The following IQCM variants were observed in gnomAD, a reference collection of about 807,000 sequenced individuals.
The protein encoded by IQCM is IQ domain-containing protein M.
IQCM carries 45 observed loss-of-function variants against 57.6 expected under a neutral mutation model. The ratio of observed to expected loss-of-function variants is 0.78; its 90% CI spans 0.62 to 1.00. IQCM has a LOEUF of 1.00. IQCM is among the 50% of genes least tolerant of loss of function. The pLI is 0.00. For missense variants in IQCM, 468 were observed against 511.6 expected, an observed-to-expected ratio of 0.91 and a Z score of 0.82; for synonymous variants, 148 against 158.9, an observed-to-expected ratio of 0.93 and a Z score of 0.51.
chr4:149,737,237 C>G (rs1442425008), intron 3 of IQCM, among the ~76,000 whole-genome samples: 2 of 152,048 alleles, frequency 1.3e-5, no homozygotes, highest in African/African-American at 4.8e-5. Flanking sequence ...TGGGAATGTT[C>G]TGTATTTTGA....
Position 149,602,064 on chromosome 4 carries a change from A to G in IQCM, c.682-14067T>C, listed in dbSNP as rs917526727. Reference sequence around the variant, plus strand: ...AAAAAAAAAAAAAAAAAGAAAAAATATGCTTTTTACTAAACAACGAGAAAT... The same window carrying G: ...AAAAAAAAAAAAAAAAAGAAAAAATGTGCTTTTTACTAAACAACGAGAAAT... On this transcript the variant is annotated intron_variant, in intron 8 of 13. Coordinates refer to ENST00000636793, the MANE Select transcript of IQCM (RefSeq NM_001363507.2). Among the ~76,000 whole-genome samples, 226 of 151,302 alleles carry G rather than the reference A, an allele frequency of 1.5e-3. 1 individual carries two copies. The highest frequency in any genetic ancestry group is 5.3e-3 in the African/African-American group (219 of 41,386).
At chr4:149,593,788 T>C (rs1016852773) in intron 8 of IQCM, among the ~76,000 whole-genome samples, 4 of 152,164 alleles carry the variant, frequency 2.6e-5, no homozygotes, top group Non-Finnish European at 5.9e-5. Flanking sequence ...GAACCAGCCT[T>C]GCATCCCAAG....
intron 8 of IQCM, among the ~76,000 whole-genome samples, chr4:149,604,180 C>T (rs1021486559): frequency 1.3e-5 from 2 of 152,166 alleles, no homozygotes; most frequent in African/African-American, 4.8e-5. Flanking sequence ...GCATATGCTA[C>T]AAATATTAGC....
intron 12 of IQCM, among the ~76,000 whole-genome samples, chr4:149,454,612 T>A (rs1234035569): frequency 6.6e-6 from 1 of 151,968 alleles, no homozygotes; most frequent in Non-Finnish European, 1.5e-5. Context: ...CCTCTGAAAC[T>A]AAAATAAAAG....
intron 5 of IQCM, among the ~76,000 whole-genome samples, chr4:149,723,847 A>G (rs989540624): frequency 6.6e-6 from 1 of 151,700 alleles, no homozygotes; most frequent in African/African-American, 2.4e-5. Flanking sequence ...ATTTTGGAAT[A>G]GTTTCAGTAG....
chr4:149,598,905 G>A (rs1176955720), intron 8 of IQCM, among the ~76,000 whole-genome samples: 1 of 152,150 alleles, frequency 6.6e-6, no homozygotes, highest in Non-Finnish European at 1.5e-5. Context: ...TAGAGGAGCT[G>A]CTTATAGCTA....
chr4:149,732,039 C>T (rs1366872075), intron 5 of IQCM, among the ~76,000 whole-genome samples: 1 of 152,090 alleles, frequency 6.6e-6, no homozygotes, highest in Non-Finnish European at 1.5e-5. Flanking sequence ...AGCCTCCTCA[C>T]TTAGCTCTCT....
At chr4:149,724,926 AT>A (rs1765761379) in intron 5 of IQCM, among the ~76,000 whole-genome samples, 1 of 152,044 alleles carries the variant, frequency 6.6e-6, no homozygotes, top group Non-Finnish European at 1.5e-5. Context: ...ATAATTTAAA[AT>A]TTAATAATTT....
At chr4:149,779,663 T>C (rs1477598764) in intron 2 of IQCM, among the ~76,000 whole-genome samples, 1 of 152,130 alleles carries the variant, frequency 6.6e-6, no homozygotes, top group Non-Finnish European at 1.5e-5. Flanking sequence ...ATAAATCAGA[T>C]AGAACCAGTA....
chr4:149,668,699 A>G (rs1760965462), intron 7 of IQCM, among the ~76,000 whole-genome samples: 1 of 152,200 alleles, frequency 6.6e-6, no homozygotes. Context: ...GTAAATGCTG[A>G]AGTAAAATTA....
intron 7 of IQCM, among the ~76,000 whole-genome samples, chr4:149,630,338 T>C (rs1757156730): frequency 1.3e-5 from 2 of 152,174 alleles, no homozygotes; most frequent in Non-Finnish European, 2.9e-5. Flanking sequence ...ATAACCACAG[T>C]TACTGGAACA....
At chr4:149,673,385 G>C (rs1371814955) in intron 7 of IQCM, among the ~76,000 whole-genome samples, 1 of 151,990 alleles carries the variant, frequency 6.6e-6, no homozygotes, top group Non-Finnish European at 1.5e-5. Flanking sequence ...CCCATCTCAC[G>C]TGCAGAGACA....
At chr4:149,751,775 T>A (rs1768469006) in intron 2 of IQCM, among the ~76,000 whole-genome samples, 1 of 152,060 alleles carries the variant, frequency 6.6e-6, no homozygotes, top group African/African-American at 2.4e-5. Context: ...CCAGAGATGA[T>A]ATGTAAAACC....
intron 8 of IQCM, among the ~76,000 whole-genome samples, chr4:149,592,847 T>C (rs556098803): frequency 1.5e-3 from 223 of 152,310 alleles, no homozygotes; most frequent in African/African-American, 5.1e-3. Context: ...CCATGCTGTT[T>C]TGGTTACTGT....
At chr4:149,541,802 T>C (rs1747875551) in intron 12 of IQCM, among the ~76,000 whole-genome samples, 1 of 151,988 alleles carries the variant, frequency 6.6e-6, no homozygotes, top group African/African-American at 2.4e-5. Flanking sequence ...CTGAAGACAG[T>C]TTTAGAACTG....
chr4:149,733,555 T>A (rs80236910), intron 4 of IQCM, 47 bp from the exon 5 acceptor site: 46,533 of 928,002 alleles, frequency 0.05, 1,410 homozygotes, highest in South Asian at 0.13. Context: ...AATTTTAGTA[T>A]GCATTATTTA....
At chr4:149,356,620 G>C (rs1729006979) in intron 13 of IQCM, among the ~76,000 whole-genome samples, 1 of 152,166 alleles carries the variant, frequency 6.6e-6, no homozygotes, top group Non-Finnish European at 1.5e-5. Flanking sequence ...GTTTTGGTAA[G>C]AGTACCATGC....
chr4:149,678,801 A>G (rs532058781), intron 7 of IQCM, among the ~76,000 whole-genome samples: 3 of 151,836 alleles, frequency 2.0e-5, no homozygotes, highest in East Asian at 3.9e-4. Flanking sequence ...AAAATGCTCA[A>G]TGGAGACATG....
At chr4:149,784,598 G>C (rs1771910965) in intron 2 of IQCM, among the ~76,000 whole-genome samples, 1 of 152,094 alleles carries the variant, frequency 6.6e-6, no homozygotes, top group Admixed American at 6.5e-5. Context: ...TGTATTTTTA[G>C]TAGAGAGGGG....
Sources: allele counts gnomAD v4.1 joint callset (sites outside exome capture counted in the v4.1 genomes callset), GRCh38; gene constraint gnomAD v4.1.1; transcripts MANE v1.5; gene names NCBI Gene and HGNC (gene_info 2026-07-23, HGNC 2026-07-21).